Variants in DGKB observed in about 807,000 individuals in gnomAD.
The protein encoded by DGKB is diacylglycerol kinase beta.
DGKB carries 67 observed loss-of-function variants against 114.3 expected under a neutral mutation model. The observed-to-expected ratio is 0.59, with a 90% CI of 0.48 to 0.72. The LOEUF is 0.72. Among genes scored for constraint, DGKB ranks in the 30% least tolerant of loss-of-function variants. The pLI is 0.00. For missense variants in DGKB, 907 were observed against 975.2 expected (o/e 0.93, Z 0.93); for synonymous variants, 398 against 323.1 (o/e 1.23, Z -2.49).
At chr7:14,213,136 T>C (rs1248652643) in intron 23 of DGKB, among the ~76,000 whole-genome samples, 2 of 152,106 alleles carry the variant, frequency 1.3e-5, no homozygotes, top group Admixed American at 1.3e-4. Context: ...CATTCTAAAA[T>C]TTGATTTATT....
chr7:14,612,063 T>A (rs1805643018), intron 16 of DGKB, among the ~76,000 whole-genome samples: 1 of 151,932 alleles, frequency 6.6e-6, no homozygotes, highest in Non-Finnish European at 1.5e-5. Flanking sequence ...GGAATATTTT[T>A]AATTATTAAA....
Position 14,265,315 on chromosome 7 carries a change from A to ATTTTTT in DGKB, c.2122+73199_2122+73200insAAAAAA, listed in dbSNP as rs1178230744. Among the ~76,000 whole-genome samples, 12 of 40,510 alleles carry ATTTTTT rather than the reference A, an allele frequency of 3.0e-4. 1 individual carries two copies. The highest frequency in any genetic ancestry group is 1.8e-3 in the African/African-American group (10 of 5,406). 26.6% of individuals were successfully genotyped at this position (40,510 alleles called of 152,430 possible). Reference sequence around the variant, plus strand: ...TTTGGACTGCTGTCTTTTCTCTTGCATTCTTTTTTTTTTTTTTTTTTTTGC... The same window carrying ATTTTTT: ...TTTGGACTGCTGTCTTTTCTCTTGCATTTTTTTTCTTTTTTTTTTTTTTTTTTTTGC... On this transcript the variant is annotated intron_variant, in intron 23 of 25. Coordinates refer to ENST00000402815, the MANE Select transcript of DGKB (RefSeq NM_001350709.2).
intron 20 of DGKB, among the ~76,000 whole-genome samples, chr7:14,529,159 A>T (rs1170450679): frequency 6.6e-6 from 1 of 152,024 alleles, no homozygotes; most frequent in Non-Finnish European, 1.5e-5. Flanking sequence ...ATATTTTAAA[A>T]GCTTCTACTT....
chr7:14,587,844 C>T (rs1345988155), intron 17 of DGKB, among the ~76,000 whole-genome samples: 3 of 152,072 alleles, frequency 2.0e-5, no homozygotes, highest in African/African-American at 7.2e-5. Context: ...AATGCTATTG[C>T]ACATTTAATA....
At chr7:14,603,430 C>CA (rs1414700330) in intron 17 of DGKB, among the ~76,000 whole-genome samples, 2 of 151,826 alleles carry the variant, frequency 1.3e-5, no homozygotes, top group Non-Finnish European at 2.9e-5. Flanking sequence ...TAACAAGAGG[C>CA]ATATGTAAAA....
At chr7:14,362,435 C>G (rs112014519) in intron 21 of DGKB, among the ~76,000 whole-genome samples, 140 of 152,184 alleles carry the variant, frequency 9.2e-4, no homozygotes, top group African/African-American at 3.4e-3. Flanking sequence ...TTAATTCATT[C>G]ATTCAACAAG....
At chr7:14,735,154 C>T (rs1457325933) in intron 5 of DGKB, among the ~76,000 whole-genome samples, 1 of 152,188 alleles carries the variant, frequency 6.6e-6, no homozygotes, top group Non-Finnish European at 1.5e-5. Flanking sequence ...CTGGGACAGG[C>T]CACGGTGATG....
chr7:14,446,958 G>T (rs1246546171), intron 21 of DGKB, among the ~76,000 whole-genome samples: 7 of 152,098 alleles, frequency 4.6e-5, no homozygotes, highest in African/African-American at 1.7e-4. Context: ...CTTATACCAG[G>T]ATGTCTGCTC....
At chr7:14,666,364 C>T (rs536778730) in intron 13 of DGKB, among the ~76,000 whole-genome samples, 39 of 152,080 alleles carry the variant, frequency 2.6e-4, no homozygotes, top group African/African-American at 9.1e-4. Flanking sequence ...TAGACTACAT[C>T]TGTCTTGAGT....
At chr7:14,875,790 C>T (rs965722367) in intron 1 of DGKB, among the ~76,000 whole-genome samples, 4 of 151,886 alleles carry the variant, frequency 2.6e-5, no homozygotes, top group Non-Finnish European at 5.9e-5. Context: ...AATTTGTAAA[C>T]TTTCTTAAAA....
At chr7:14,717,689 A>G (rs1828436607) in intron 6 of DGKB, among the ~76,000 whole-genome samples, 1 of 152,102 alleles carries the variant, frequency 6.6e-6, no homozygotes, top group South Asian at 2.1e-4. Context: ...CAGAAGTGTT[A>G]AAGTTTAGAT....
At position 14,811,553 on chromosome 7, in the gene DGKB, T is replaced by A. The variant is rs73070771; in HGVS notation, c.70+29641A>T. On this transcript the variant is annotated intron_variant, in intron 2 of 25. Transcript: ENST00000402815. ...TTATTCAAGTTATTCAACGTGAAAT[T>A]CTTTTCATATGATTTGTAATTATTC... Among the ~76,000 whole-genome samples the A allele has an allele frequency of 1.5e-3, 232 of 152,334 alleles. 1 individual carries two copies. In the Middle Eastern group the frequency reaches 0.02, roughly 13 times the overall value.
intron 23 of DGKB, among the ~76,000 whole-genome samples, chr7:14,312,652 G>C (rs1805605126): frequency 6.6e-6 from 1 of 152,144 alleles, no homozygotes; most frequent in Non-Finnish European, 1.5e-5. Context: ...GTGTGATTGA[G>C]AACAAAATCA....
intron 2 of DGKB, among the ~76,000 whole-genome samples, chr7:14,807,621 G>A (rs1418337885): frequency 3.3e-5 from 5 of 151,902 alleles, no homozygotes; most frequent in African/African-American, 2.4e-5. Context: ...ATAAAACGAC[G>A]TAGAAAGAGA....
intron 13 of DGKB, among the ~76,000 whole-genome samples, chr7:14,662,344 C>G (rs988465910): frequency 1.3e-5 from 2 of 151,694 alleles, no homozygotes; most frequent in Non-Finnish European, 2.9e-5. Context: ...TATTCTAAGA[C>G]AAATGTTCTG....
chr7:14,312,156 A>C (rs1049262684), intron 23 of DGKB, among the ~76,000 whole-genome samples: 2 of 152,242 alleles, frequency 1.3e-5, no homozygotes, highest in Admixed American at 1.3e-4. Flanking sequence ...ATACACTTAT[A>C]GAGTTTTAAC....
chr7:14,495,989 G>C (rs892898775), intron 20 of DGKB, among the ~76,000 whole-genome samples: 2 of 151,694 alleles, frequency 1.3e-5, no homozygotes, highest in African/African-American at 4.8e-5. Flanking sequence ...ATTATTGGAG[G>C]CTTCTTGTAG....
chr7:14,655,523 C>A (rs551343233), intron 13 of DGKB, among the ~76,000 whole-genome samples: 2 of 151,650 alleles, frequency 1.3e-5, no homozygotes, highest in Admixed American at 1.3e-4. Context: ...ATCCAGCAAT[C>A]CTGTTATTGG....
chr7:14,678,849 G>C (rs570554021), intron 12 of DGKB, among the ~76,000 whole-genome samples: 26 of 152,064 alleles, frequency 1.7e-4, no homozygotes, highest in Admixed American at 6.6e-4. Context: ...AAATCTGAGA[G>C]AGATATTTTA....
Sources: gnomAD v4.1 joint callset for allele counts (sites outside exome capture counted in the v4.1 genomes callset) on GRCh38, gnomAD v4.1.1 for gene constraint, MANE v1.5 for transcripts, NCBI Gene and HGNC (gene_info 2026-07-23, HGNC 2026-07-21) for gene names.